Variants in RPS6KC1 observed in about 807,000 individuals in gnomAD.
RPS6KC1 encodes the protein ribosomal protein S6 kinase C1.
In RPS6KC1, 54 loss-of-function variants were observed where a neutral mutation model predicts 103.8. That is an observed-to-expected ratio of 0.52 (90% confidence interval 0.42 to 0.65). The LOEUF is 0.65. Ranked by LOEUF, RPS6KC1 falls within the 30% of genes least tolerant of loss-of-function variation. The pLI, the probability that RPS6KC1 is intolerant of heterozygous loss-of-function variation, is 0.00. For synonymous variants in RPS6KC1, 439 were observed against 438.7 expected (o/e 1.00, Z -0.01); for missense variants, 1,151 against 1,253.8 (o/e 0.92, Z 1.24).
the RPS6KC1 span, among the ~76,000 whole-genome samples, chr1:213,597,801 G>C: frequency 2.0e-5 from 3 of 152,242 alleles, no homozygotes; most frequent in African/African-American, 7.2e-5. Flanking sequence ...GTTGTTGTTA[G>C]GAAAGATACT....
chr1:213,283,732 G>A, the RPS6KC1 span, among the ~76,000 whole-genome samples: 1 of 152,158 alleles, frequency 6.6e-6, no homozygotes, highest in African/African-American at 2.4e-5. Flanking sequence ...ATTGCTGGGA[G>A]TGGAATTAAA....
At chr1:213,144,686 G>T (rs982076937) in intron 6 of RPS6KC1, among the ~76,000 whole-genome samples, 1 of 151,738 alleles carries the variant, frequency 6.6e-6, no homozygotes, top group African/African-American at 2.4e-5. Flanking sequence ...GTGATTTCAG[G>T]ATTACATACT....
the RPS6KC1 span, among the ~76,000 whole-genome samples, chr1:213,775,921 CT>C: frequency 6.6e-6 from 1 of 152,192 alleles, no homozygotes; most frequent in Non-Finnish European, 1.5e-5. Flanking sequence ...TTCACAGCAT[CT>C]TCACCAGGAG....
At chr1:213,153,883 A>G (rs1193503956) in intron 6 of RPS6KC1, among the ~76,000 whole-genome samples, 1 of 152,102 alleles carries the variant, frequency 6.6e-6, no homozygotes, top group African/African-American at 2.4e-5. Flanking sequence ...TTTCTTCAGC[A>G]TGTTAAATAT....
chr1:213,821,147 A>G, the RPS6KC1 span: 4 of 152,610 alleles, frequency 2.6e-5, no homozygotes, highest in South Asian at 8.3e-4. Flanking sequence ...TTCATCTTCT[A>G]TCTTACTCTG....
At chr1:213,658,189 A>T in the RPS6KC1 span, among the ~76,000 whole-genome samples, 1 of 152,212 alleles carries the variant, frequency 6.6e-6, no homozygotes, top group Non-Finnish European at 1.5e-5. Context: ...GGTTACATAG[A>T]GGGAGATTGT....
intron 6 of RPS6KC1, among the ~76,000 whole-genome samples, chr1:213,155,481 T>C (rs74937597): frequency 0.019 from 2,888 of 152,188 alleles, 96 homozygotes; most frequent in African/African-American, 0.064. Context: ...AATGCTCCCA[T>C]CTTGGGTGGG....
chr1:213,554,538 T>G, the RPS6KC1 span, among the ~76,000 whole-genome samples: 4 of 152,170 alleles, frequency 2.6e-5, no homozygotes, highest in African/African-American at 7.2e-5. Context: ...ATTTTAGAAT[T>G]TTTATTTTCT....
chr1:213,540,224 T>G, the RPS6KC1 span, among the ~76,000 whole-genome samples: 1 of 152,142 alleles, frequency 6.6e-6, no homozygotes, highest in Non-Finnish European at 1.5e-5. Flanking sequence ...GTAATGTTCT[T>G]GCTTCAGCCT....
At chr1:213,585,719 T>G in the RPS6KC1 span, among the ~76,000 whole-genome samples, 1 of 152,144 alleles carries the variant, frequency 6.6e-6, no homozygotes, top group Non-Finnish European at 1.5e-5. Context: ...TCTCTCCTCC[T>G]GAGGCCTCCC....
At chr1:213,704,773 C>G in the RPS6KC1 span, among the ~76,000 whole-genome samples, 1 of 152,194 alleles carries the variant, frequency 6.6e-6, no homozygotes, top group Non-Finnish European at 1.5e-5. Flanking sequence ...CTTGGGAAGG[C>G]TTTCTACATA....
chr1:213,835,757 C>CA, the RPS6KC1 span: 1 of 152,084 alleles, frequency 6.6e-6, no homozygotes, highest in Non-Finnish European at 1.5e-5. Flanking sequence ...CCAAGTTCCT[C>CA]ACTTGAGGGG....
the RPS6KC1 span, among the ~76,000 whole-genome samples, chr1:213,527,155 G>T: frequency 1.3e-5 from 2 of 152,208 alleles, no homozygotes; most frequent in African/African-American, 4.8e-5. Context: ...AAAGCTCGTA[G>T]AGGTCCAGAA....
chr1:213,195,445 G>A (rs928135536), intron 8 of RPS6KC1, among the ~76,000 whole-genome samples: 4 of 151,942 alleles, frequency 2.6e-5, no homozygotes, highest in South Asian at 2.1e-4. Context: ...AATTCGTAAC[G>A]TGTTTATTGG....
the RPS6KC1 span, among the ~76,000 whole-genome samples, chr1:213,656,861 G>A: frequency 8.1e-4 from 123 of 152,202 alleles, 2 homozygotes; most frequent in Non-Finnish European, 3.1e-4. Flanking sequence ...CCTTATAGAT[G>A]TATTTTCTGG....
the RPS6KC1 span, among the ~76,000 whole-genome samples, chr1:213,773,971 T>C: frequency 1.3e-5 from 2 of 152,216 alleles, no homozygotes; most frequent in East Asian, 3.8e-4. Context: ...AGTCCACCTC[T>C]TGTGTAAAGC....
intron 6 of RPS6KC1, among the ~76,000 whole-genome samples, chr1:213,133,444 A>G (rs1373304300): frequency 6.6e-6 from 1 of 152,184 alleles, no homozygotes; most frequent in Non-Finnish European, 1.5e-5. Flanking sequence ...GAACCCTATA[A>G]GTTGAACTAT....
the RPS6KC1 span, among the ~76,000 whole-genome samples, chr1:213,847,237 G>T: frequency 1.3e-5 from 2 of 152,152 alleles, no homozygotes; most frequent in Non-Finnish European, 2.9e-5. Context: ...AGGCACATGG[G>T]ATTCTACTTA....
chr1:213,065,357 C>G (rs1377241261), intron 1 of RPS6KC1, among the ~76,000 whole-genome samples: 3 of 152,162 alleles, frequency 2.0e-5, no homozygotes, highest in Non-Finnish European at 4.4e-5. Flanking sequence ...GTGACAAACT[C>G]TCTTGAAATT....
Sources: gnomAD v4.1 joint callset for allele counts (sites outside exome capture counted in the v4.1 genomes callset) on GRCh38, gnomAD v4.1.1 for gene constraint, MANE v1.5 for transcripts, NCBI Gene and HGNC (gene_info 2026-07-23, HGNC 2026-07-21) for gene names.